Variants in MYO16 observed in about 807,000 individuals in gnomAD.
The protein encoded by MYO16 is unconventional myosin-XVI.
A neutral mutation model predicts 205.3 loss-of-function variants in MYO16; 94 were observed. That is an observed-to-expected ratio of 0.46 (90% CI 0.39 to 0.54). The LOEUF is 0.54. MYO16 is among the 20% of genes least tolerant of loss of function. The pLI is 0.00. For synonymous variants in MYO16, 988 were observed against 954.0 expected (o/e 1.04, Z -0.66); for missense variants, 2,315 against 2,387.5 (o/e 0.97, Z 0.63).
intron 25 of MYO16, chr13:109,054,415 G>T: frequency 4.1e-6 from 1 of 244,782 alleles, no homozygotes; most frequent in Admixed American, 5.4e-5. Context: ...CAACTCCTGA[G>T]TGTAGTTAAA....
intron 12 of MYO16, among the ~76,000 whole-genome samples, chr13:108,869,156 G>A (rs1028086902): frequency 2.0e-5 from 3 of 151,968 alleles, no homozygotes; most frequent in Non-Finnish European, 4.4e-5. Context: ...GGCGCTGAGG[G>A]GACTCCCCCT....
intron 15 of MYO16, among the ~76,000 whole-genome samples, chr13:108,901,530 T>C (rs1880707593): frequency 6.6e-6 from 1 of 152,214 alleles, no homozygotes; most frequent in Non-Finnish European, 1.5e-5. Context: ...ATTAAGGAAC[T>C]GTGACCGTAA....
chr13:109,193,657 G>C (rs1466554350), intron 34 of MYO16, among the ~76,000 whole-genome samples: 3 of 152,108 alleles, frequency 2.0e-5, no homozygotes, highest in Admixed American at 1.3e-4. Flanking sequence ...TAACAGGTTG[G>C]GGAAAGTATC....
intron 34 of MYO16, among the ~76,000 whole-genome samples, chr13:109,202,666 A>G (rs1880444016): frequency 6.6e-6 from 1 of 152,188 alleles, no homozygotes; most frequent in South Asian, 2.1e-4. Flanking sequence ...ATTCCCATCA[A>G]AATACCACTA....
the MYO16 span, among the ~76,000 whole-genome samples, chr13:108,501,449 T>A: frequency 6.6e-6 from 1 of 152,154 alleles, no homozygotes; most frequent in African/African-American, 2.4e-5. Context: ...ATAAAAGACA[T>A]CTGCTCCTTC....
chr13:108,712,531 G>A, intron 2 of MYO16, 130 bp from the exon 3 acceptor site: 1 of 767,732 alleles, frequency 1.3e-6, no homozygotes, highest in Non-Finnish European at 2.3e-6. Flanking sequence ...AGGGTCAGAT[G>A]GCACAGAAGC....
At chr13:108,868,844 C>T (rs1052233072) in intron 12 of MYO16, among the ~76,000 whole-genome samples, 1 of 149,724 alleles carries the variant, frequency 6.7e-6, no homozygotes, top group Non-Finnish European at 1.5e-5. Context: ...CGCTTGAACC[C>T]GGGTGGCAGA....
At chr13:108,970,510 C>T (rs945629603) in intron 20 of MYO16, among the ~76,000 whole-genome samples, 2 of 152,136 alleles carry the variant, frequency 1.3e-5, no homozygotes, top group African/African-American at 4.8e-5. Flanking sequence ...AGTTCCCCTC[C>T]CTCTCCCACA....
At chr13:108,782,713 G>A (rs925419227) in intron 4 of MYO16, among the ~76,000 whole-genome samples, 6 of 152,140 alleles carry the variant, frequency 3.9e-5, no homozygotes, top group Admixed American at 3.3e-4. Flanking sequence ...GCTGTTTGCA[G>A]CCTGGGGACT....
intron 1 of MYO16, among the ~76,000 whole-genome samples, chr13:108,639,972 C>T (rs1334442699): frequency 1.3e-5 from 2 of 152,182 alleles, no homozygotes; most frequent in Non-Finnish European, 2.9e-5. Context: ...GAAGAGCAGG[C>T]TTGGGCATGC....
At chr13:109,183,799 A>G (rs565939108) in intron 34 of MYO16, among the ~76,000 whole-genome samples, 45 of 152,224 alleles carry the variant, frequency 3.0e-4, no homozygotes, top group Non-Finnish European at 5.9e-4. Flanking sequence ...ACTAATGGCA[A>G]TCTGGGACCC....
the MYO16 span, among the ~76,000 whole-genome samples, chr13:108,558,726 C>T: frequency 6.6e-6 from 1 of 152,192 alleles, no homozygotes; most frequent in Non-Finnish European, 1.5e-5. Flanking sequence ...CACGTGAGCA[C>T]CTGCCACAGA....
At chr13:108,894,097 T>C (rs1014198214) in intron 14 of MYO16, among the ~76,000 whole-genome samples, 23 of 152,290 alleles carry the variant, frequency 1.5e-4, no homozygotes, top group African/African-American at 5.5e-4. Context: ...ACATCTTACA[T>C]GATGGCAGGA....
At chr13:108,662,837 T>C (rs1881564877) in intron 1 of MYO16, among the ~76,000 whole-genome samples, 1 of 152,144 alleles carries the variant, frequency 6.6e-6, no homozygotes, top group Non-Finnish European at 1.5e-5. Flanking sequence ...GCTAGAGAAT[T>C]CCTTCTCCCT....
intron 20 of MYO16, among the ~76,000 whole-genome samples, chr13:108,987,430 A>C (rs946261443): frequency 1.3e-5 from 2 of 152,236 alleles, no homozygotes; most frequent in African/African-American, 4.8e-5. Context: ...AGAGGTTGAA[A>C]TAAGGTAAGA....
At chr13:108,900,276 C>T (rs970914524) in intron 15 of MYO16, among the ~76,000 whole-genome samples, 1 of 152,132 alleles carries the variant, frequency 6.6e-6, no homozygotes, top group Non-Finnish European at 1.5e-5. Context: ...TTCTGTTAAT[C>T]AACAATCTCT....
At chr13:108,997,326 A>G (rs146068326) in intron 21 of MYO16, among the ~76,000 whole-genome samples, 18 of 9,126 alleles carry the variant, frequency 2.0e-3, no homozygotes, top group Admixed American at 4.9e-3. Context: ...GAAAGAAAGA[A>G]AGAAAGAAAG....
intron 20 of MYO16, among the ~76,000 whole-genome samples, chr13:108,972,249 C>CTCTCTCTATATATA (rs1178345437): frequency 7.0e-4 from 2 of 2,846 alleles, no homozygotes; most frequent in Non-Finnish European, 5.9e-4. Context: ...CTCTCTCTCT[C>CTCTCTCTATATATA]TATATATATA....
chr13:108,689,403 T>C (rs1043663547), intron 2 of MYO16, among the ~76,000 whole-genome samples: 3 of 152,134 alleles, frequency 2.0e-5, no homozygotes, highest in Non-Finnish European at 2.9e-5. Flanking sequence ...TAAATACATA[T>C]ACAGACATTT....
Sources: gnomAD v4.1 joint callset for allele counts (sites outside exome capture counted in the v4.1 genomes callset) on GRCh38, gnomAD v4.1.1 for gene constraint, MANE v1.5 for transcripts, NCBI Gene and HGNC (gene_info 2026-07-23, HGNC 2026-07-21) for gene names.